EFCAB6: variants seen among roughly 807,000 people sequenced by gnomAD.
EFCAB6 encodes the protein EF-hand calcium binding domain 6.
EFCAB6 carries 156 observed loss-of-function variants against 169.8 expected under a neutral mutation model. The ratio of observed to expected loss-of-function variants is 0.92; its 90% CI spans 0.81 to 1.05. The LOEUF (loss-of-function observed/expected upper bound fraction) is 1.05, where lower values mean the gene tolerates loss of function less well. Among genes scored for constraint, EFCAB6 ranks in the 50% least tolerant of loss-of-function variants. The pLI is 0.00. For synonymous variants in EFCAB6, 698 were observed against 676.4 expected (o/e 1.03, Z -0.50); for missense variants, 1,800 against 1,829.1 (o/e 0.98, Z 0.29).
intron 7 of EFCAB6, among the ~76,000 whole-genome samples, chr22:43,733,276 T>G (rs9625942): frequency 0.04 from 6,164 of 152,240 alleles, 176 homozygotes; most frequent in Middle Eastern, 0.092. Flanking sequence ...CTCATAAACC[T>G]CTCCAGCGTC....
intron 1 of EFCAB6, among the ~76,000 whole-genome samples, chr22:43,811,152 C>T (rs1383013935): frequency 6.6e-6 from 1 of 151,644 alleles, no homozygotes; most frequent in Non-Finnish European, 1.5e-5. Flanking sequence ...TGGTGGCAGG[C>T]GCCTGTAATC....
rs528502727 is a variant in EFCAB6, at chr22:43,746,106, C to T, written c.507+9660G>A. Among the ~76,000 whole-genome samples, 7 of 152,296 alleles carry T rather than the reference C, an allele frequency of 4.6e-5. 1 individual carries two copies. Among genetic ancestry groups the T allele is most frequent in the African/African-American group, 1.7e-4 (7 of 41,564 alleles). ...ACATTCAGAACCTCATAAACACAAACTTCCAATCCGGGGACAAGCGGGAAG... is the reference window on the plus strand; with the variant it reads ...ACATTCAGAACCTCATAAACACAAATTTCCAATCCGGGGACAAGCGGGAAG... On this transcript the variant is annotated intron_variant, in intron 6 of 31. Coordinates refer to ENST00000262726, the MANE Select transcript of EFCAB6 (RefSeq NM_022785.4).
rs536962412 is a variant in EFCAB6 at position 43,713,818 on chromosome 22, C to T, written c.883-2195G>A. Reference sequence around the variant, plus strand: ...GTGAAAATGATAACACAGCTATACTCATAATATGAGTGAATCTCATCTTGA... The same window carrying T: ...GTGAAAATGATAACACAGCTATACTTATAATATGAGTGAATCTCATCTTGA... On this transcript the variant is annotated intron_variant, in intron 9 of 31. Coordinates refer to ENST00000262726, the MANE Select transcript of EFCAB6 (RefSeq NM_022785.4). Among the ~76,000 whole-genome samples, 6 of 152,178 alleles carry T rather than the reference C, an allele frequency of 3.9e-5. No individual in the cohort carries two copies. The South Asian group carries it at 6.2e-4, about 16-fold the overall frequency.
intron 8 of EFCAB6, among the ~76,000 whole-genome samples, chr22:43,728,704 T>C (rs1207775411): frequency 1.3e-5 from 2 of 152,238 alleles, no homozygotes; most frequent in Non-Finnish European, 2.9e-5. Flanking sequence ...GCTGCATAAA[T>C]GTCTTCTTTT....
chr22:43,709,641 T>A (rs1010855101), intron 10 of EFCAB6, among the ~76,000 whole-genome samples: 1 of 152,206 alleles, frequency 6.6e-6, no homozygotes, highest in African/African-American at 2.4e-5. Context: ...ATGAAAATAG[T>A]AAATTTGTTA....
At chr22:43,760,730 C>T (rs1350281026) in intron 5 of EFCAB6, among the ~76,000 whole-genome samples, 1 of 150,180 alleles carries the variant, frequency 6.7e-6, no homozygotes, top group Admixed American at 6.7e-5. Flanking sequence ...ACAATCTTGA[C>T]TCACTGCAAC....
chr22:43,760,203 C>CAAAAAAAAAAAAAAAAAA (rs371022953), intron 5 of EFCAB6, among the ~76,000 whole-genome samples: 1 of 104,524 alleles, frequency 9.6e-6, no homozygotes, highest in African/African-American at 3.6e-5. Context: ...GACTCTGTCT[C>CAAAAAAAAAAAAAAAAAA]AAAAAAAAAA....
intron 26 of EFCAB6, among the ~76,000 whole-genome samples, chr22:43,573,033 G>A (rs1332460727): frequency 6.6e-6 from 1 of 152,248 alleles, no homozygotes; most frequent in African/African-American, 2.4e-5. Flanking sequence ...CAGGCCAGGG[G>A]ACCCCGGAGG....
At chr22:43,657,515 G>A (rs2148120568) in intron 17 of EFCAB6, among the ~76,000 whole-genome samples, 1 of 150,122 alleles carries the variant, frequency 6.7e-6, no homozygotes, top group South Asian at 2.1e-4. Context: ...ACAATCACAA[G>A]GAGAATTATA....
At chr22:43,711,863 A>G (rs2059172956) in intron 9 of EFCAB6, among the ~76,000 whole-genome samples, 1 of 152,242 alleles carries the variant, frequency 6.6e-6, no homozygotes, top group South Asian at 2.1e-4. Flanking sequence ...AAAACAGCAC[A>G]TAGAATAGCT....
intron 2 of EFCAB6, among the ~76,000 whole-genome samples, chr22:43,793,905 T>C (rs2062403526): frequency 6.6e-6 from 1 of 152,230 alleles, no homozygotes; most frequent in Admixed American, 6.5e-5. Flanking sequence ...TGTTTTTAAA[T>C]GCATTTATTT....
intron 2 of EFCAB6, among the ~76,000 whole-genome samples, chr22:43,798,924 C>T (rs1176216958): frequency 6.6e-6 from 1 of 152,206 alleles, no homozygotes; most frequent in Non-Finnish European, 1.5e-5. Flanking sequence ...CAGAAACAGC[C>T]TCTGATCACT....
At chr22:43,802,968 C>G (rs1040650575) in intron 2 of EFCAB6, among the ~76,000 whole-genome samples, 3 of 152,184 alleles carry the variant, frequency 2.0e-5, no homozygotes, top group Non-Finnish European at 4.4e-5. Context: ...GAAAAAACAC[C>G]TTTCTCTTCT....
intron 22 of EFCAB6, among the ~76,000 whole-genome samples, chr22:43,605,998 C>G (rs746566424): frequency 7.9e-5 from 12 of 152,216 alleles, no homozygotes; most frequent in Non-Finnish European, 1.6e-4. Flanking sequence ...ATGAAAAACA[C>G]GGACACGGGA....
intron 5 of EFCAB6, among the ~76,000 whole-genome samples, chr22:43,763,378 T>C (rs1477684047): frequency 6.6e-6 from 1 of 152,048 alleles, no homozygotes; most frequent in Non-Finnish European, 1.5e-5. Context: ...ACAAATAACA[T>C]AACCATTTTT....
intron 26 of EFCAB6, among the ~76,000 whole-genome samples, chr22:43,560,594 T>A (rs2048969240): frequency 6.6e-6 from 1 of 152,230 alleles, no homozygotes; most frequent in East Asian, 1.9e-4. Flanking sequence ...GACATGGCCC[T>A]GGTTGGGGTG....
intron 27 of EFCAB6, chr22:43,540,574 T>C (rs1385677102): frequency 1.1e-5 from 17 of 1,497,716 alleles, no homozygotes; most frequent in Non-Finnish European, 1.5e-5. Flanking sequence ...GGATTATTCA[T>C]GGCTTCTGCA....
chr22:43,529,860 G>A (rs548301625), intron 31 of EFCAB6, among the ~76,000 whole-genome samples: 30 of 152,256 alleles, frequency 2.0e-4, no homozygotes, highest in Admixed American at 7.2e-4. Context: ...TATTTTCCCC[G>A]CCCCATTATG....
At chr22:43,776,431 A>G (rs911521827) in intron 3 of EFCAB6, among the ~76,000 whole-genome samples, 1 of 152,204 alleles carries the variant, frequency 6.6e-6, no homozygotes, top group Non-Finnish European at 1.5e-5. Flanking sequence ...AAATAAACAA[A>G]TGATAGGGTC....
Sources: allele counts gnomAD v4.1 joint callset (sites outside exome capture counted in the v4.1 genomes callset), GRCh38; gene constraint gnomAD v4.1.1; transcripts MANE v1.5; gene names NCBI Gene and HGNC (gene_info 2026-07-23, HGNC 2026-07-21).